CFDP1: variants seen among roughly 807,000 people sequenced by gnomAD.
CFDP1 encodes the protein chromatin remodeling protein CFDP1, also known as heterochromatin-stabilizing protein CFDP1.
CFDP1 carries 31 observed loss-of-function variants against 40.1 expected under a neutral mutation model. That is an observed-to-expected ratio of 0.77 (90% CI 0.58 to 1.04). The LOEUF (loss-of-function observed/expected upper bound fraction) is 1.04, where lower values mean the gene tolerates loss of function less well. Ranked by LOEUF, CFDP1 falls within the 50% of genes least tolerant of loss-of-function variation. The pLI is 0.00. For missense variants in CFDP1, 423 were observed against 343.4 expected (o/e 1.23, Z -1.83); for synonymous variants, 167 against 120.0 (o/e 1.39, Z -2.56).
chr16:75,415,712 C>T (rs2079197488), intron 1 of CFDP1, among the ~76,000 whole-genome samples: 1 of 152,156 alleles, frequency 6.6e-6, no homozygotes. Context: ...TATTCATTCT[C>T]ACTCCTGAAC....
chr16:75,330,078 A>C (rs2078434200), intron 5 of CFDP1, among the ~76,000 whole-genome samples: 1 of 152,226 alleles, frequency 6.6e-6, no homozygotes, highest in African/African-American at 2.4e-5. Context: ...ATTCTCAGGG[A>C]ACAGAGTCCC....
chr16:75,323,553 G>C (rs990431769), intron 5 of CFDP1, among the ~76,000 whole-genome samples: 2 of 152,040 alleles, frequency 1.3e-5, no homozygotes, highest in Non-Finnish European at 2.9e-5. Context: ...GGCCGAGGCA[G>C]GTGGATCACC....
chr16:75,402,625 T>G (rs934818427), intron 4 of CFDP1, among the ~76,000 whole-genome samples: 14 of 152,200 alleles, frequency 9.2e-5, no homozygotes, highest in Non-Finnish European at 1.5e-4. Context: ...CCAGCTCTTC[T>G]CACATTTCTT....
In CFDP1 at chr16:75,342,052, T is replaced by C. The variant is rs894504816; in HGVS notation, c.651-36870A>G. ...CACACATTCCAAGTTAAATAGCTTT[T>C]TTAAGGATGTACCTCATCCCTGAAT... On this transcript the variant is annotated intron_variant, in intron 5 of 6. Transcript: ENST00000283882. Among the ~76,000 whole-genome samples, 7 of 152,360 alleles carry C rather than the reference T, an allele frequency of 4.6e-5. No homozygotes were observed. The East Asian group carries it at 1.2e-3, about 25-fold the overall frequency.
At chr16:75,322,151 C>T (rs1290153826) in intron 5 of CFDP1, among the ~76,000 whole-genome samples, 2 of 152,214 alleles carry the variant, frequency 1.3e-5, no homozygotes, top group South Asian at 2.1e-4. Flanking sequence ...TTGTTTTCTA[C>T]ATGATGGTCA....
At chr16:75,412,889 T>A (rs1253891407) in intron 2 of CFDP1, 135 bp from the exon 3 acceptor site, 3 of 606,130 alleles carry the variant, frequency 4.9e-6, no homozygotes, top group Non-Finnish European at 8.4e-6. Flanking sequence ...TATACTGAAG[T>A]GAGTAGAAGA....
chr16:75,314,952 A>C (rs1230163493), intron 5 of CFDP1, among the ~76,000 whole-genome samples: 2 of 152,074 alleles, frequency 1.3e-5, no homozygotes, highest in East Asian at 3.9e-4. Flanking sequence ...GGGTTTCACC[A>C]TGTTGGCCAG....
intron 2 of CFDP1, among the ~76,000 whole-genome samples, chr16:75,414,101 C>A (rs937067556): frequency 1.3e-5 from 2 of 151,682 alleles, no homozygotes; most frequent in African/African-American, 4.8e-5. Flanking sequence ...ATTCACATAA[C>A]GTAATACTAT....
chr16:75,404,690 T>C (rs750102442), intron 4 of CFDP1, among the ~76,000 whole-genome samples: 19 of 150,506 alleles, frequency 1.3e-4, no homozygotes, highest in Non-Finnish European at 2.7e-4. Flanking sequence ...GCAATACAAA[T>C]GGCCTGGACT....
At chr16:75,411,780 C>A (rs755433323) in intron 4 of CFDP1, 45 bp downstream of exon 4, 4 of 1,577,612 alleles carry the variant, frequency 2.5e-6, no homozygotes, top group Middle Eastern at 1.7e-4. Flanking sequence ...GAGAGACGCT[C>A]ATTTTTGAAA....
chr16:75,307,587 C>G (rs1319807201), intron 5 of CFDP1, among the ~76,000 whole-genome samples: 1 of 152,148 alleles, frequency 6.6e-6, no homozygotes, highest in Non-Finnish European at 1.5e-5. Context: ...GAGACAGGTT[C>G]TCACTCTGTT....
intron 1 of CFDP1, among the ~76,000 whole-genome samples, chr16:75,430,168 TG>T (rs869052732): frequency 2.6e-4 from 11 of 42,030 alleles, no homozygotes; most frequent in Non-Finnish European, 4.9e-4. Flanking sequence ...AGGTTTTTTT[TG>T]TTTGTTTGTT....
At chr16:75,413,145 T>G (rs1378080523) in intron 2 of CFDP1, among the ~76,000 whole-genome samples, 2 of 152,224 alleles carry the variant, frequency 1.3e-5, no homozygotes, top group African/African-American at 4.8e-5. Context: ...CTACTCCATT[T>G]GTAGAACAAG....
rs115864182 is a variant in CFDP1 at position 75,421,786 on chromosome 16, T to C, written c.65-7091A>G. Among the ~76,000 whole-genome samples the C allele has an allele frequency of 3.6e-3, 555 of 152,276 alleles. 2 individuals carry two copies. The highest frequency in any genetic ancestry group is 0.013 in the African/African-American group (532 of 41,556). ...GATCGATATCCCTCATAAACACAGA[T>C]GCAAAAATCCTCGACAAAATACGGC... is the stretch of plus-strand genomic sequence containing the variant. On this transcript the variant is annotated intron_variant, in intron 1 of 6. Coordinates refer to ENST00000283882, the MANE Select transcript of CFDP1 (RefSeq NM_006324.3).
chr16:75,375,674 C>A (rs1274242850), intron 5 of CFDP1, among the ~76,000 whole-genome samples: 1 of 152,004 alleles, frequency 6.6e-6, no homozygotes, highest in Non-Finnish European at 1.5e-5. Context: ...CACCTGTAGT[C>A]CCAGCTACTC....
chr16:75,420,985 C>T (rs767506253), intron 1 of CFDP1, among the ~76,000 whole-genome samples: 46 of 152,160 alleles, frequency 3.0e-4, no homozygotes, highest in Non-Finnish European at 5.4e-4. Flanking sequence ...CAAGTAGATG[C>T]ACATGACTCT....
At chr16:75,395,608 G>T (rs1020970469) in intron 4 of CFDP1, among the ~76,000 whole-genome samples, 3 of 152,016 alleles carry the variant, frequency 2.0e-5, no homozygotes, top group Non-Finnish European at 4.4e-5. Context: ...GCAGTGAGCC[G>T]AGATCACGCC....
intron 5 of CFDP1, among the ~76,000 whole-genome samples, chr16:75,350,045 G>A (rs921215474): frequency 1.3e-5 from 2 of 151,972 alleles, no homozygotes; most frequent in African/African-American, 4.8e-5. Context: ...TCAGATTGAG[G>A]AAGTTCCTTC....
intron 1 of CFDP1, among the ~76,000 whole-genome samples, chr16:75,421,582 C>A (rs1263701720): frequency 6.6e-6 from 1 of 152,074 alleles, no homozygotes; most frequent in Non-Finnish European, 1.5e-5. Context: ...TAAATATGAG[C>A]CAAACCAACT....
Sources: allele counts gnomAD v4.1 joint callset (sites outside exome capture counted in the v4.1 genomes callset), GRCh38; gene constraint gnomAD v4.1.1; transcripts MANE v1.5; gene names NCBI Gene and HGNC (gene_info 2026-07-23, HGNC 2026-07-21).